Variants in APOB observed in about 807,000 individuals in gnomAD.
The protein encoded by APOB is apolipoprotein B-100.
APOB carries 153 observed loss-of-function variants against 314.1 expected under a neutral mutation model. That is an observed-to-expected ratio of 0.49 (90% CI 0.43 to 0.56). The LOEUF is 0.56. Among genes scored for constraint, APOB ranks in the 20% least tolerant of loss-of-function variants. The pLI, the probability that APOB is intolerant of heterozygous loss-of-function variation, is 0.00. For synonymous variants in APOB, 2,087 were observed against 2,036.4 expected (o/e 1.02, Z -0.67); for missense variants, 5,430 against 5,350.7 (o/e 1.01, Z -0.46).
In APOB at chr2:21,012,633, T is replaced by C. The variant is rs1312226332; in HGVS notation, c.4235A>G (p.Tyr1412Cys). 6.2e-7 allele frequency: 1 copy of C among 1,612,716 alleles called. No individual in the cohort carries two copies. Among genetic ancestry groups the C allele is most frequent in the South Asian group, 1.1e-5 (1 of 91,034 alleles). ...YNVQGSGETT[Y>C]DHKNTFTLSC... ...TAGTGTGAACGTATTCTTGTGGTCA[T>C]ATGTTGTTTCTCCAGATCCTAACAT... The change falls in exon 26 of 29, where the codon TAT (tyrosine) becomes TGT (cysteine). Residue 1412 changes from tyrosine (Y) to cysteine (C), a missense_variant. By Grantham distance (194) the Tyr-to-Cys change is radical. This residue lies in a region of APOB where 2,085 missense variants were observed against 2,079.7 expected (regional missense o/e 1.00). Transcript: ENST00000233242.
At position 21,009,129 on chromosome 2, in the gene APOB, A is replaced by G. The variant is rs763409720; in HGVS notation, c.7739T>C (p.Leu2580Ser). 8 of 1,614,050 alleles carry G rather than the reference A, an allele frequency of 5.0e-6. No individual in the cohort carries two copies. Among genetic ancestry groups the G allele is most frequent in the Non-Finnish European group, 5.9e-6 (7 of 1,179,944 alleles). Residue 2580 changes from leucine (L) to serine (S), a missense_variant, in exon 26 of 29, where the codon TTG (leucine) becomes TCG (serine). Leu to Ser is a moderately radical substitution (Grantham distance 145, BLOSUM62 -2). Transcript: ENST00000233242. ...AGGAACAGTGAACCCTTGCTCTACCAATGCTTTCATACGTTTAGCCCAATC... is the reference window on the plus strand; with the variant it reads ...AGGAACAGTGAACCCTTGCTCTACCGATGCTTTCATACGTTTAGCCCAATC... The part of the protein sequence containing the change: ...IQDWAKRMKA[L>S]VEQGFTVPEI...
chr2:21,032,478 C>T lies in APOB; in HGVS notation c.1228G>A (p.Val410Met), dbSNP rs769735619. The T allele has an allele frequency of 1.2e-6, 2 of 1,614,162 alleles. No homozygotes were observed. Among genetic ancestry groups the T allele is most frequent in the South Asian group, 1.1e-5 (1 of 91,084 alleles). Residue 410 changes from valine to methionine, a missense_variant, in exon 10 of 29, where the codon GTG (valine) becomes ATG (methionine). This residue lies in a region of APOB where 2,085 missense variants were observed against 2,079.7 expected (regional missense o/e 1.00). Coordinates refer to ENST00000233242, the MANE Select transcript of APOB (RefSeq NM_000384.3). ...ATCAGGGCCACCAGGTAGGTGACCA[C>T]ATCTATCAGAAGGGGGTTGGCATGC... ...RVHANPLLID[V>M]VTYLVALIPE...
rs767382770 is a variant in APOB at position 21,010,077 on chromosome 2, T to C, written c.6791A>G (p.Glu2264Gly). Residue 2264 changes from glutamate (E) to glycine (G), a missense_variant, in exon 26 of 29, where the codon GAA becomes GGA. Glu to Gly is a moderately conservative substitution (Grantham distance 98). Transcript: ENST00000233242. ...TKYQIRIQIQ[E>G]KLQQLKRHIQ... ...GTGTCTCTTAAGCTGCTGCAGTTTT[T>C]CTTGTATCTGGATTCTGATTTGGTA... is the stretch of plus-strand genomic sequence containing the variant. The C allele has an allele frequency of 6.2e-7, 1 of 1,613,520 alleles. No individual in the cohort carries two copies. The highest frequency in any genetic ancestry group is 1.7e-5 in the Admixed American group (1 of 60,020).
rs138790085 is a variant in APOB at position 21,009,036 on chromosome 2, G to C, written c.7832C>G (p.Thr2611Ser). ...GACTATAAAATCAGGTGTCTGGAAG[G>C]TAGCTTTCTGAAGAGCCTGAAGACT... ...EVSLQALQKA[T>S]FQTPDFIVPL... The change falls in exon 26 of 29, where the codon ACC (threonine) becomes AGC (serine). Residue 2611 changes from threonine to serine, a missense_variant. This residue lies in a region of APOB where 3,281 missense variants were observed against 3,171.0 expected (regional missense o/e 1.03). Transcript: ENST00000233242. The C allele has an allele frequency of 6.2e-6, 10 of 1,614,078 alleles. No homozygotes were observed. The highest frequency in any genetic ancestry group is 1.3e-5 in the African/African-American group (1 of 75,030).
At position 21,004,672 on chromosome 2, in the gene APOB, A is replaced by G. The variant is rs1558560211; in HGVS notation, c.11792T>C (p.Leu3931Ser). 1.2e-6 allele frequency: 2 copies of G among 1,608,342 alleles called. No individual in the cohort carries two copies. The highest frequency in any genetic ancestry group is 1.7e-6 in the Non-Finnish European group (2 of 1,174,790). Reference sequence around the variant, plus strand: ...ACCATCTTCGATTTTGTGTGTTCCCAAAACTGTATAGGAGAGATTTTGTAT... The same window carrying G: ...ACCATCTTCGATTTTGTGTGTTCCCGAAACTGTATAGGAGAGATTTTGTAT... ...VQFLEYELNV[L>S]GTHKIEDGTL... The change falls in exon 27 of 29, where the codon TTG becomes TCG. Residue 3931 changes from leucine to serine, a missense_variant. Around this residue, in one of 3 missense-constraint regions of APOB, gnomAD observed 3,281 missense variants for 3,171.0 expected, o/e 1.03. Transcript: ENST00000233242.
At position 21,003,134 on chromosome 2, in the gene APOB, G is replaced by T. The variant is rs1300376603; in HGVS notation, c.12288C>A (p.Thr4096=). ...TCAGCTTTGAAGACACTTCTCTCAG[G>T]GTGAGCCCTGTGTGTTCCCAGTGGT... The part of the protein sequence containing the change: ...NKYHWEHTGL[T]LREVSSKLRR... The change falls in exon 29 of 29, where the codon ACC becomes ACA. Residue 4096 remains threonine (T), a synonymous_variant. Coordinates refer to ENST00000233242, the MANE Select transcript of APOB (RefSeq NM_000384.3). The T allele has an allele frequency of 6.2e-7, 1 of 1,611,656 alleles. No homozygotes were observed. The highest frequency in any genetic ancestry group is 8.5e-7 in the Non-Finnish European group (1 of 1,178,394).
At chr2:21,019,223 T>C in intron 19 of APOB, 110 bp from the exon 20 acceptor site, 2 of 1,375,484 alleles carry the variant, frequency 1.5e-6, no homozygotes, top group East Asian at 4.6e-5. Flanking sequence ...GTCCTTATTT[T>C]AACATTGTCT....
Position 21,028,439 on chromosome 2 carries a change from C to T in APOB, c.1717G>A (p.Asp573Asn). Residue 573 changes from aspartate to asparagine, a missense_variant, in exon 13 of 29, where the codon GAT (aspartate) becomes AAT (asparagine). Transcript: ENST00000233242. ...LMLMRSPSQA[D>N]INKIVQILPW... ...AGAATTTGGACAATTTTGTTAATAT[C>T]TGCCTGTGAAGGACTCCTCATCAAC... 2 of 1,614,066 alleles carry T rather than the reference C, an allele frequency of 1.2e-6. No homozygotes were observed. Among genetic ancestry groups the T allele is most frequent in the East Asian group, 4.5e-5 (2 of 44,878 alleles).
chr2:21,010,611 T>G lies in APOB; in HGVS notation c.6257A>C (p.Gln2086Pro). The G allele has an allele frequency of 6.2e-7, 1 of 1,614,132 alleles. No individual in the cohort carries two copies. The highest frequency in any genetic ancestry group is 8.5e-7 in the Non-Finnish European group (1 of 1,179,996). Residue 2086 changes from glutamine to proline, a missense_variant, in exon 26 of 29, where the codon CAA becomes CCA. Gln to Pro is a moderately conservative substitution (Grantham distance 76, BLOSUM62 -1). Transcript: ENST00000233242. ...GTTTTCCAGTACAACTATAATGGTT[T>G]GTCGATTCCTCTCAAAATATTCTTG... The part of the protein sequence containing the change: ...TLQEYFERNR[Q>P]TIIVVLENVQ...
chr2:21,006,942 A>T lies in APOB; in HGVS notation c.9926T>A (p.Val3309Asp). ...LPSLELPVLH[V>D]PRNLKLSLPD... ...AAGAGAAAGCTTGAGATTTCTAGGG[A>T]CATGAAGGACTGGCAGCTCTAATGA... The change falls in exon 26 of 29, where the codon GTC (valine) becomes GAC (aspartate). Residue 3309 changes from valine to aspartate, a missense_variant. Coordinates refer to ENST00000233242, the MANE Select transcript of APOB (RefSeq NM_000384.3). 6.2e-7 allele frequency: 1 copy of T among 1,614,096 alleles called. No homozygotes were observed. Among genetic ancestry groups the T allele is most frequent in the South Asian group, 1.1e-5 (1 of 91,082 alleles).
chr2:21,040,844 T>C, intron 4 of APOB, 94 bp downstream of exon 4: 1 of 1,406,122 alleles, frequency 7.1e-7, no homozygotes, highest in Non-Finnish European at 1.0e-6. Context: ...GGAATACAAA[T>C]ACTTACAGTC....
chr2:21,020,283 C>G (rs1371617973), intron 18 of APOB, among the ~76,000 whole-genome samples: 1 of 152,172 alleles, frequency 6.6e-6, no homozygotes, highest in Non-Finnish European at 1.5e-5. Flanking sequence ...CATATGAAAT[C>G]TCCTACTCTC....
Position 21,008,163 on chromosome 2 carries a change from C to T in APOB, c.8705G>A (p.Ser2902Asn), listed in dbSNP as rs1663202818. 3 of 1,614,008 alleles carry T rather than the reference C, an allele frequency of 1.9e-6. No homozygotes were observed. Among genetic ancestry groups the T allele is most frequent in the Non-Finnish European group, 2.5e-6 (3 of 1,179,958 alleles). ...KLNIPKLDFSSQADLRNEIKT... is the reference protein window; with the variant it reads ...KLNIPKLDFSNQADLRNEIKT... The stretch of plus-strand genomic sequence containing the variant: ...GATCTCGTTGCGCAGGTCAGCCTGA[C>T]TAGAGAAGTCCAGTTTGGGGATGTT... The change falls in exon 26 of 29, where the codon AGT becomes AAT. Residue 2902 changes from serine (S) to asparagine (N), a missense_variant. This residue lies in a region of APOB where 3,281 missense variants were observed against 3,171.0 expected (regional missense o/e 1.03). Coordinates refer to ENST00000233242, the MANE Select transcript of APOB (RefSeq NM_000384.3).
In APOB at chr2:21,004,388, A is replaced by G. The variant is rs373288467; in HGVS notation, c.11968T>C (p.Tyr3990His). Residue 3990 changes from tyrosine (Y) to histidine (H), a missense_variant, in exon 28 of 29, where the codon TAC becomes CAC. Tyr to His is a moderately conservative substitution (Grantham distance 83). Around this residue, in one of 3 missense-constraint regions of APOB, gnomAD observed 3,281 missense variants for 3,171.0 expected, o/e 1.03. Transcript: ENST00000233242. Reference protein sequence around the residue: ...SPAFTDLHLRYQKDKKGISTS... With the variant: ...SPAFTDLHLRHQKDKKGISTS... ...GAGATGCCTTTCTTGTCTTTCTGGT[A>G]GCGCAGATGGAGATCGGTGAACGCT... 30 of 1,613,900 alleles carry G rather than the reference A, an allele frequency of 1.9e-5. No individual in the cohort carries two copies. Among genetic ancestry groups the G allele is most frequent in the Non-Finnish European group, 2.5e-5 (29 of 1,179,936 alleles).
chr2:21,013,934 T>C (rs909959687), intron 24 of APOB, among the ~76,000 whole-genome samples: 1 of 152,232 alleles, frequency 6.6e-6, no homozygotes, highest in Non-Finnish European at 1.5e-5. Context: ...ATCTTCTCAC[T>C]GTACCTAGTC....
rs1189359542 is a variant in APOB, at chr2:21,007,550, G to C, written c.9318C>G (p.Asn3106Lys). The C allele has an allele frequency of 1.2e-6, 2 of 1,613,926 alleles. No homozygotes were observed. The highest frequency in any genetic ancestry group is 2.7e-5 in the African/African-American group (2 of 74,904). The change falls in exon 26 of 29, where the codon AAC becomes AAG. Residue 3106 changes from asparagine (N) to lysine (K), a missense_variant. Asn to Lys is a moderately conservative substitution (Grantham distance 94, BLOSUM62 0). Around this residue, in one of 3 missense-constraint regions of APOB, gnomAD observed 3,281 missense variants for 3,171.0 expected, o/e 1.03. Coordinates refer to ENST00000233242, the MANE Select transcript of APOB (RefSeq NM_000384.3). ...YKYNQNFSAGNNENIMEAHVG... is the reference protein window; with the variant it reads ...YKYNQNFSAGKNENIMEAHVG... ...CATGGGCCTCCATAATGTTCTCGTT[G>C]TTTCCAGCAGAGAAATTTTGGTTGT... is the stretch of plus-strand genomic sequence containing the variant.
At position 21,016,579 on chromosome 2, in the gene APOB, G is replaced by A. The variant is rs771410440; in HGVS notation, c.3192C>T (p.Val1064=). The A allele has an allele frequency of 1.9e-5, 31 of 1,611,752 alleles. No individual in the cohort carries two copies. The highest frequency in any genetic ancestry group is 3.3e-4 in the Middle Eastern group (2 of 6,082). The change falls in exon 21 of 29, where the codon GTC becomes GTT. Residue 1064 remains valine (V), a synonymous_variant. Transcript: ENST00000233242. ...GGTCAACATCAAAATCCGGAATTTG[G>A]ACTTCACTGGACAAGGTCATACTCT... ...NRQSMTLSSE[V]QIPDFDVDLG...
chr2:21,028,490 C>G lies in APOB; in HGVS notation c.1666G>C (p.Asp556His). The G allele has an allele frequency of 6.2e-7, 1 of 1,613,810 alleles. No individual in the cohort carries two copies. Among genetic ancestry groups the G allele is most frequent in the Non-Finnish European group, 8.5e-7 (1 of 1,179,932 alleles). Residue 556 changes from aspartate to histidine, a missense_variant, in exon 13 of 29, where the codon GAT (aspartate) becomes CAT (histidine). Transcript: ENST00000233242. ...ATAAGATAGGCAGCCAGTCGCTTATCTCCCGGAGAAGCATCATCAAGGAAA... is the reference window on the plus strand; with the variant it reads ...ATAAGATAGGCAGCCAGTCGCTTATGTCCCGGAGAAGCATCATCAAGGAAA... ...QTFLDDASPG[D>H]KRLAAYLMLM...
At chr2:21,032,649 G>A in intron 9 of APOB, 68 bp from the exon 10 acceptor site, 3 of 1,269,158 alleles carry the variant, frequency 2.4e-6, no homozygotes, top group Non-Finnish European at 3.4e-6. Flanking sequence ...TGCTCATGGT[G>A]TGTCCTCTGC....
Sources: allele counts gnomAD v4.1 joint callset (sites outside exome capture counted in the v4.1 genomes callset), GRCh38; gene constraint gnomAD v4.1.1; regional missense constraint gnomAD v4.1.1; transcripts MANE v1.5; gene names NCBI Gene and HGNC (gene_info 2026-07-23, HGNC 2026-07-21).